Variants in BMAL1 observed in about 807,000 individuals in gnomAD.
BMAL1 encodes the protein basic helix-loop-helix ARNT like 1.
At chr11:13,339,908 C>T in the BMAL1 span, among the ~76,000 whole-genome samples, 1 of 152,198 alleles carries the variant, frequency 6.6e-6, no homozygotes, top group African/African-American at 2.4e-5. Context: ...TCCCTACCCC[C>T]ATCTGCAGCA....
chr11:13,386,226 C>T, the BMAL1 span, among the ~76,000 whole-genome samples: 6 of 152,298 alleles, frequency 3.9e-5, no homozygotes, highest in African/African-American at 1.4e-4. Context: ...CTCTCCCTTC[C>T]TATTTGCCTT....
the BMAL1 span, among the ~76,000 whole-genome samples, chr11:13,296,648 T>G: frequency 6.6e-6 from 1 of 152,236 alleles, no homozygotes; most frequent in African/African-American, 2.4e-5. Flanking sequence ...GGCCTGGATT[T>G]AAACCCTGGG....
the BMAL1 span, among the ~76,000 whole-genome samples, chr11:13,325,695 G>GTGTGTGT: frequency 4.6e-5 from 7 of 151,224 alleles, no homozygotes; most frequent in African/African-American, 7.3e-5. Context: ...GTGTGTGTGT[G>GTGTGTGT]GGCTTGAATG....
chr11:13,360,556 C>T, the BMAL1 span: 1 of 727,436 alleles, frequency 1.4e-6, no homozygotes. Flanking sequence ...CAGGTCCCTC[C>T]CTTTATCTTA....
chr11:13,356,284 TC>T, the BMAL1 span: 1 of 458,466 alleles, frequency 2.2e-6, no homozygotes, highest in Non-Finnish European at 4.4e-6. Context: ...CCTCACTTCG[TC>T]CCTTCCCTGC....
the BMAL1 span, among the ~76,000 whole-genome samples, chr11:13,352,443 G>A: frequency 6.6e-6 from 1 of 152,150 alleles, no homozygotes; most frequent in Non-Finnish European, 1.5e-5. Flanking sequence ...CCTGTAAAGA[G>A]AAAAAGCAAC....
chr11:13,325,376 CTT>C, the BMAL1 span, among the ~76,000 whole-genome samples: 34 of 152,336 alleles, frequency 2.2e-4, no homozygotes, highest in African/African-American at 8.2e-4. Flanking sequence ...GTCATTGGTT[CTT>C]TTCTCGCAGT....
At chr11:13,335,753 T>G in the BMAL1 span, among the ~76,000 whole-genome samples, 1 of 152,254 alleles carries the variant, frequency 6.6e-6, no homozygotes, top group Non-Finnish European at 1.5e-5. Context: ...TATGAATAGG[T>G]GCAAGCATTT....
At chr11:13,367,656 G>A in the BMAL1 span, among the ~76,000 whole-genome samples, 1 of 142,318 alleles carries the variant, frequency 7.0e-6, no homozygotes, top group Admixed American at 7.5e-5. Flanking sequence ...AGCTGAGATT[G>A]TACCACTGAC....
chr11:13,356,767 C>T, the BMAL1 span: 1 of 1,614,102 alleles, frequency 6.2e-7, no homozygotes, highest in Non-Finnish European at 8.5e-7. Context: ...CAAAGATGAC[C>T]CTCATGGAAG....
the BMAL1 span, among the ~76,000 whole-genome samples, chr11:13,286,562 G>C: frequency 1.3e-5 from 2 of 152,170 alleles, no homozygotes. Flanking sequence ...GTTCAAACCT[G>C]CCCTCAAATG....
At chr11:13,325,657 T>TTGTGTTTGTGTG in the BMAL1 span, among the ~76,000 whole-genome samples, 2 of 134,348 alleles carry the variant, frequency 1.5e-5, no homozygotes, top group African/African-American at 5.7e-5. Context: ...TTGAGACCTT[T>TTGTGTTTGTGTG]TGTGTGTGTG....
chr11:13,375,122 C>T, the BMAL1 span, among the ~76,000 whole-genome samples: 3 of 152,214 alleles, frequency 2.0e-5, no homozygotes, highest in African/African-American at 7.2e-5. Context: ...GAGTCATAGC[C>T]TGTCTCCTCT....
chr11:13,355,184 G>A, the BMAL1 span: 169 of 1,548,680 alleles, frequency 1.1e-4, no homozygotes, highest in Non-Finnish European at 9.7e-5. Flanking sequence ...GAAAATCTCC[G>A]AGGAGGTATA....
the BMAL1 span, among the ~76,000 whole-genome samples, chr11:13,342,602 A>G: frequency 6.6e-6 from 1 of 152,134 alleles, no homozygotes; most frequent in South Asian, 2.1e-4. Flanking sequence ...AGAAAAACCT[A>G]ACTATTGAAC....
the BMAL1 span, among the ~76,000 whole-genome samples, chr11:13,311,422 G>T: frequency 6.6e-6 from 1 of 152,182 alleles, no homozygotes; most frequent in African/African-American, 2.4e-5. Flanking sequence ...GAACGGACCT[G>T]AAGGGAGGCT....
At chr11:13,278,889 A>G in the BMAL1 span, among the ~76,000 whole-genome samples, 1 of 152,124 alleles carries the variant, frequency 6.6e-6, no homozygotes. Context: ...GAAGACGAGG[A>G]AGGTAGAGGT....
At chr11:13,324,813 A>C in the BMAL1 span, among the ~76,000 whole-genome samples, 1 of 152,358 alleles carries the variant, frequency 6.6e-6, no homozygotes, top group African/African-American at 2.4e-5. Flanking sequence ...CATGCAAGCG[A>C]AGACTTTGGA....
the BMAL1 span, among the ~76,000 whole-genome samples, chr11:13,277,359 G>A: frequency 1.3e-5 from 2 of 152,200 alleles, no homozygotes. Context: ...CGACCCCGAG[G>A]AGCGCGGCTT....
Sources: allele counts gnomAD v4.1 joint callset (sites outside exome capture counted in the v4.1 genomes callset), GRCh38; gene constraint gnomAD v4.1.1; transcripts MANE v1.5; gene names NCBI Gene and HGNC (gene_info 2026-07-23, HGNC 2026-07-21).